The following CADPS2 variants were observed in gnomAD, a reference collection of about 807,000 sequenced individuals.
The protein encoded by CADPS2 is calcium-dependent secretion activator 2.
In CADPS2, 93 loss-of-function variants were observed where a neutral mutation model predicts 172.5. That is an observed-to-expected ratio of 0.54 (90% CI 0.46 to 0.64). The LOEUF (loss-of-function observed/expected upper bound fraction) is 0.64, where lower values mean the gene tolerates loss of function less well. Ranked by LOEUF, CADPS2 falls within the 30% of genes least tolerant of loss-of-function variation. The pLI is 0.00. For synonymous variants in CADPS2, 546 were observed against 555.2 expected (o/e 0.98, Z 0.23); for missense variants, 1,420 against 1,565.9 (o/e 0.91, Z 1.57).
chr7:122,340,855 TA>T (rs5887084), intron 28 of CADPS2, among the ~76,000 whole-genome samples: 10,106 of 137,716 alleles, frequency 0.073, 702 homozygotes, highest in African/African-American at 0.19. Context: ...CCTTATGTGT[TA>T]AAAAAAAAAA....
chr7:122,767,535 A>G (rs1417658898), intron 1 of CADPS2, among the ~76,000 whole-genome samples: 1 of 152,140 alleles, frequency 6.6e-6, no homozygotes, highest in Non-Finnish European at 1.5e-5. Context: ...TATTTCTAAA[A>G]TGAAAAGTCA....
intron 8 of CADPS2, among the ~76,000 whole-genome samples, chr7:122,530,108 T>C (rs909771862): frequency 2.0e-5 from 3 of 152,070 alleles, no homozygotes; most frequent in African/African-American, 7.2e-5. Flanking sequence ...GCAGAAGATA[T>C]TATAAAAGGT....
chr7:122,861,807 T>C (rs1057263269), intron 1 of CADPS2, among the ~76,000 whole-genome samples: 2 of 152,212 alleles, frequency 1.3e-5, no homozygotes, highest in Admixed American at 6.5e-5. Context: ...CCATTATCTG[T>C]CCATTCAAAA....
chr7:122,517,156 T>G (rs2060439553), intron 8 of CADPS2, among the ~76,000 whole-genome samples: 1 of 152,182 alleles, frequency 6.6e-6, no homozygotes, highest in Admixed American at 6.6e-5. Context: ...GTATGTAGCC[T>G]TTCTGTCTGA....
rs188592516 is a variant in CADPS2 at position 122,596,495 on chromosome 7, C to T, written c.1224-15205G>A. 1.2e-3 allele frequency among the ~76,000 whole-genome samples: 180 copies of T among 152,232 alleles called. 1 individual carries two copies. The Middle Eastern group carries it at 0.014, about 12-fold the overall frequency. On this transcript the variant is annotated intron_variant, in intron 6 of 29. Coordinates refer to ENST00000449022, the MANE Select transcript of CADPS2 (RefSeq NM_017954.11). ...ACACAAAGATGAAGGCAAACAGACT[C>T]TGGCCTTCGTGACTCGGGCTTGTGT... is the stretch of plus-strand genomic sequence containing the variant.
At chr7:122,739,163 C>T (rs2092343362) in intron 1 of CADPS2, among the ~76,000 whole-genome samples, 1 of 152,122 alleles carries the variant, frequency 6.6e-6, no homozygotes, top group Non-Finnish European at 1.5e-5. Flanking sequence ...ACTATAGTTA[C>T]TAAGCTCTGG....
At chr7:122,618,883 G>A (rs146622377) in intron 5 of CADPS2, among the ~76,000 whole-genome samples, 1,951 of 152,234 alleles carry the variant, frequency 0.013, 39 homozygotes, top group African/African-American at 0.045. Flanking sequence ...CATAACTCCT[G>A]CTTAAAATAC....
intron 9 of CADPS2, among the ~76,000 whole-genome samples, chr7:122,496,157 C>CTTTATTTA (rs746822173): frequency 1.3e-5 from 2 of 151,762 alleles, no homozygotes; most frequent in South Asian, 2.1e-4. Flanking sequence ...ATATTTATCT[C>CTTTATTTA]TTTATTTATT....
At chr7:122,697,625 C>T in intron 2 of CADPS2, 1 of 588,258 alleles carries the variant, frequency 1.7e-6, no homozygotes, top group Non-Finnish European at 2.8e-6. Flanking sequence ...AAAAATCCCG[C>T]TAGGACTTTT....
intron 7 of CADPS2, among the ~76,000 whole-genome samples, chr7:122,579,817 G>A (rs1413129487): frequency 3.9e-5 from 6 of 151,938 alleles, no homozygotes; most frequent in Non-Finnish European, 8.8e-5. Context: ...GCTCTCTTAG[G>A]TATTAACAAA....
At chr7:122,388,952 T>C (rs1190376653) in intron 22 of CADPS2, among the ~76,000 whole-genome samples, 1 of 151,998 alleles carries the variant, frequency 6.6e-6, no homozygotes, top group Non-Finnish European at 1.5e-5. Flanking sequence ...GAAATAAATA[T>C]GGTGGTAGGG....
chr7:122,324,031 A>G (rs2033283547), intron 29 of CADPS2, among the ~76,000 whole-genome samples: 1 of 151,644 alleles, frequency 6.6e-6, no homozygotes, highest in Admixed American at 6.6e-5. Flanking sequence ...GCCAATTATG[A>G]ACCTATCATA....
intron 12 of CADPS2, chr7:122,480,142 C>T (rs2057117265): frequency 8.5e-6 from 4 of 470,826 alleles, no homozygotes; most frequent in South Asian, 4.7e-5. Flanking sequence ...CTTCCCCACC[C>T]CTTCAGCTCA....
At chr7:122,705,426 A>G (rs1358572070) in intron 2 of CADPS2, among the ~76,000 whole-genome samples, 2 of 140,134 alleles carry the variant, frequency 1.4e-5, no homozygotes, top group African/African-American at 5.3e-5. Flanking sequence ...TAGAGATAAT[A>G]TATAATATGT....
chr7:122,697,292 A>G (rs1454841752), intron 2 of CADPS2, among the ~76,000 whole-genome samples: 1 of 152,152 alleles, frequency 6.6e-6, no homozygotes, highest in East Asian at 1.9e-4. Flanking sequence ...CCAAGAATGC[A>G]AAAGAAAAAA....
At chr7:122,399,848 G>A (rs1211370364) in intron 20 of CADPS2, among the ~76,000 whole-genome samples, 4 of 150,576 alleles carry the variant, frequency 2.7e-5, no homozygotes, top group Admixed American at 6.6e-5. Context: ...CACTACGCCC[G>A]GCTAACTTTT....
At chr7:122,857,997 G>A (rs757642870) in intron 1 of CADPS2, among the ~76,000 whole-genome samples, 6 of 152,098 alleles carry the variant, frequency 3.9e-5, no homozygotes, top group Non-Finnish European at 8.8e-5. Context: ...AACATTTATC[G>A]TGAAGAGCGA....
chr7:122,682,819 T>TC, intron 2 of CADPS2, among the ~76,000 whole-genome samples: 1 of 152,234 alleles, frequency 6.6e-6, no homozygotes, highest in Non-Finnish European at 1.5e-5. Flanking sequence ...GGAATACAGG[T>TC]AATCTAGAGA....
At chr7:122,778,163 G>C (rs2093942618) in intron 1 of CADPS2, among the ~76,000 whole-genome samples, 1 of 152,126 alleles carries the variant, frequency 6.6e-6, no homozygotes, top group Admixed American at 6.5e-5. Context: ...CTCAGATGGA[G>C]ATAAGGAACC....
Sources: gnomAD v4.1 joint callset for allele counts (sites outside exome capture counted in the v4.1 genomes callset) on GRCh38, gnomAD v4.1.1 for gene constraint, MANE v1.5 for transcripts, NCBI Gene and HGNC (gene_info 2026-07-23, HGNC 2026-07-21) for gene names.